Variants in CPED1 observed in about 807,000 individuals in gnomAD.
The protein encoded by CPED1 is cadherin-like and PC-esterase domain-containing protein 1.
In CPED1, 114 loss-of-function variants were observed where a neutral mutation model predicts 128.2. The observed-to-expected ratio is 0.89, with a 90% CI of 0.76 to 1.04. The LOEUF (loss-of-function observed/expected upper bound fraction) is 1.04. Ranked by LOEUF, CPED1 falls within the 50% of genes least tolerant of loss-of-function variation. The pLI is 0.00. For missense variants in CPED1, 1,211 were observed against 1,207.1 expected (o/e 1.00, Z -0.05); for synonymous variants, 462 against 426.7 (o/e 1.08, Z -1.02).
chr7:121,045,958 G>T (rs1793183534), intron 3 of CPED1, among the ~76,000 whole-genome samples: 1 of 151,746 alleles, frequency 6.6e-6, no homozygotes, highest in Non-Finnish European at 1.5e-5. Flanking sequence ...GCTCTCAAGG[G>T]GTAGTTATTC....
At chr7:121,285,033 T>C (rs1045845902) in intron 22 of CPED1, among the ~76,000 whole-genome samples, 3 of 152,210 alleles carry the variant, frequency 2.0e-5, no homozygotes, top group African/African-American at 7.2e-5. Flanking sequence ...TGCCTGGACA[T>C]CCAGGCGTTT....
chr7:121,032,567 G>A (rs1792761858), intron 3 of CPED1, among the ~76,000 whole-genome samples: 1 of 150,964 alleles, frequency 6.6e-6, no homozygotes, highest in Non-Finnish European at 1.5e-5. Context: ...TGGGGAAGGG[G>A]AGGGAGAGCA....
chr7:121,154,892 G>A lies in CPED1; in HGVS notation c.2055+12751G>A, dbSNP rs1253286208. On this transcript the variant is annotated intron_variant, in intron 16 of 22. Transcript: ENST00000310396. ...TGCTTTTTCAGCATTGAAATAATAC[G>A]GTTTTCATTCTTGATTCTGTTAATG... 1.1e-4 allele frequency among the ~76,000 whole-genome samples: 16 copies of A among 152,212 alleles called. 1 individual carries two copies. The highest frequency in any genetic ancestry group is 2.6e-4 in the Admixed American group (4 of 15,290).
intron 22 of CPED1, 124 bp downstream of exon 22, chr7:121,271,554 T>C (rs527416983): frequency 1.1e-6 from 1 of 939,938 alleles, no homozygotes; most frequent in South Asian, 1.7e-5. Flanking sequence ...GGAGATTAAA[T>C]GATATATGTT....
chr7:121,133,876 C>A lies in CPED1; in HGVS notation c.1631C>A (p.Ala544Glu). The change falls in exon 13 of 23, where the codon GCA (alanine) becomes GAA (glutamate). Residue 544 changes from alanine (A) to glutamate (E), a missense_variant. By Grantham distance (107) the Ala-to-Glu change is moderately radical. Coordinates refer to ENST00000310396, the MANE Select transcript of CPED1 (RefSeq NM_024913.5). ...NIEKPQVPFD[A>E]IENKKAAVPQ... ...GAAAAACCACAAGTGCCATTTGATG[C>A]AATAGAAAATAAAAAAGGTAAAAAT... is the stretch of plus-strand genomic sequence containing the variant. 6.3e-7 allele frequency: 1 copy of A among 1,578,606 alleles called. No homozygotes were observed. Among genetic ancestry groups the A allele is most frequent in the Non-Finnish European group, 8.7e-7 (1 of 1,154,624 alleles).
intron 5 of CPED1, among the ~76,000 whole-genome samples, chr7:121,095,622 C>T (rs777488118): frequency 2.0e-5 from 3 of 151,904 alleles, no homozygotes; most frequent in African/African-American, 4.8e-5. Context: ...TTCCATTATC[C>T]GATCACAGTT....
chr7:121,185,856 AG>A (rs1351910975), intron 16 of CPED1, among the ~76,000 whole-genome samples: 1 of 152,216 alleles, frequency 6.6e-6, no homozygotes, highest in Non-Finnish European at 1.5e-5. Context: ...ACAATCCATA[AG>A]TCTCATTCCA....
chr7:121,206,153 G>T (rs1797512017), intron 16 of CPED1, among the ~76,000 whole-genome samples: 1 of 151,996 alleles, frequency 6.6e-6, no homozygotes, highest in South Asian at 2.1e-4. Context: ...AAGGAAAAGA[G>T]GGACCAAATG....
At chr7:121,219,095 A>G (rs531235014) in intron 16 of CPED1, among the ~76,000 whole-genome samples, 1 of 152,202 alleles carries the variant, frequency 6.6e-6, no homozygotes, top group East Asian at 1.9e-4. Flanking sequence ...CACAAGTCAA[A>G]AAGAACTGAA....
At chr7:120,997,791 G>A (rs759751530) in intron 2 of CPED1, among the ~76,000 whole-genome samples, 19 of 151,878 alleles carry the variant, frequency 1.3e-4, no homozygotes, top group Non-Finnish European at 1.6e-4. Context: ...GCATGGTGGC[G>A]GGCACCTGTA....
chr7:121,003,135 G>A (rs549049605), intron 2 of CPED1, among the ~76,000 whole-genome samples: 2 of 152,058 alleles, frequency 1.3e-5, no homozygotes, highest in African/African-American at 4.8e-5. Flanking sequence ...TTCTTCTTTC[G>A]TATTTTCCAT....
intron 16 of CPED1, among the ~76,000 whole-genome samples, chr7:121,231,614 T>A (rs1042763726): frequency 6.6e-6 from 1 of 152,026 alleles, no homozygotes; most frequent in Non-Finnish European, 1.5e-5. Context: ...TGTAGAACGT[T>A]GGATGGAGAT....
chr7:121,113,653 TG>T (rs1435925007), intron 7 of CPED1, among the ~76,000 whole-genome samples: 3 of 151,556 alleles, frequency 2.0e-5, no homozygotes, highest in South Asian at 4.2e-4. Flanking sequence ...GTGAGAGGGA[TG>T]GGGAAGGAAG....
intron 16 of CPED1, among the ~76,000 whole-genome samples, chr7:121,177,763 A>G (rs975351544): frequency 2.0e-5 from 3 of 152,028 alleles, no homozygotes; most frequent in Non-Finnish European, 2.9e-5. Flanking sequence ...TTTTGTAATA[A>G]GCTATGCTTC....
chr7:121,028,768 A>G (rs1792660025), intron 3 of CPED1, among the ~76,000 whole-genome samples: 1 of 152,212 alleles, frequency 6.6e-6, no homozygotes, highest in African/African-American at 2.4e-5. Flanking sequence ...TTTGCATAAA[A>G]TGGATATTTT....
At chr7:121,104,470 G>T (rs774491040) in intron 7 of CPED1, among the ~76,000 whole-genome samples, 3 of 152,076 alleles carry the variant, frequency 2.0e-5, no homozygotes, top group African/African-American at 7.2e-5. Flanking sequence ...CAACAGAGAG[G>T]CAACTGTAAT....
At chr7:121,083,111 G>T (rs753401429) in intron 5 of CPED1, among the ~76,000 whole-genome samples, 5 of 152,050 alleles carry the variant, frequency 3.3e-5, no homozygotes, top group Non-Finnish European at 7.3e-5. Flanking sequence ...GCTCTCACTG[G>T]CACTCTCCTC....
At chr7:121,075,279 T>C (rs1443795286) in intron 5 of CPED1, among the ~76,000 whole-genome samples, 2 of 152,236 alleles carry the variant, frequency 1.3e-5, no homozygotes, top group East Asian at 3.9e-4. Flanking sequence ...CACAAGTCAT[T>C]TTAAGCAAAC....
chr7:121,123,123 C>T (rs1795426614), intron 7 of CPED1, among the ~76,000 whole-genome samples: 1 of 152,158 alleles, frequency 6.6e-6, no homozygotes, highest in South Asian at 2.1e-4. Context: ...TTCAATCATA[C>T]AATTATTACA....
Sources: allele counts gnomAD v4.1 joint callset (sites outside exome capture counted in the v4.1 genomes callset), GRCh38; gene constraint gnomAD v4.1.1; transcripts MANE v1.5; gene names NCBI Gene and HGNC (gene_info 2026-07-23, HGNC 2026-07-21).